WWC2: variants seen among roughly 807,000 people sequenced by gnomAD.
WWC2 encodes protein WWC2.
WWC2 carries 101 observed loss-of-function variants against 138.5 expected under a neutral mutation model. The ratio of observed to expected loss-of-function variants is 0.73; its 90% CI spans 0.62 to 0.86. The LOEUF is 0.86. Among genes scored for constraint, WWC2 ranks in the 40% least tolerant of loss-of-function variants. The pLI, the probability that WWC2 is intolerant of heterozygous loss-of-function variation, is 0.00. For synonymous variants in WWC2, 558 were observed against 538.4 expected, an observed-to-expected ratio of 1.04 and a Z score of -0.50; for missense variants, 1,420 against 1,419.4, an observed-to-expected ratio of 1.00 and a Z score of -0.01.
At chr4:183,104,567 G>T (rs534258608) in intron 1 of WWC2, among the ~76,000 whole-genome samples, 1 of 152,252 alleles carries the variant, frequency 6.6e-6, no homozygotes, top group East Asian at 1.9e-4. Context: ...TAGACTGCTG[G>T]AATTGTTCCT....
chr4:183,243,215 G>C (rs1472289940), intron 5 of WWC2, among the ~76,000 whole-genome samples: 3 of 152,070 alleles, frequency 2.0e-5, no homozygotes, highest in African/African-American at 4.8e-5. Flanking sequence ...GTTCATTTCT[G>C]AATCAAAGAT....
At chr4:183,164,062 A>AG (rs1734035785) in intron 1 of WWC2, among the ~76,000 whole-genome samples, 1 of 151,808 alleles carries the variant, frequency 6.6e-6, no homozygotes, top group African/African-American at 2.4e-5. Flanking sequence ...GAGAAAATGG[A>AG]ACTGAAATTA....
At chr4:183,128,759 T>C (rs557389017) in intron 1 of WWC2, among the ~76,000 whole-genome samples, 7 of 152,346 alleles carry the variant, frequency 4.6e-5, no homozygotes, top group African/African-American at 1.4e-4. Flanking sequence ...AATGTACCTC[T>C]GTCCTTGTCC....
intron 1 of WWC2, among the ~76,000 whole-genome samples, chr4:183,151,846 T>C (rs796904849): frequency 1.3e-5 from 2 of 152,318 alleles, no homozygotes; most frequent in African/African-American, 2.4e-5. Flanking sequence ...GATCAGATGG[T>C]TGTAGATGTG....
At chr4:183,200,550 T>G (rs1042084412) in intron 2 of WWC2, among the ~76,000 whole-genome samples, 1 of 152,216 alleles carries the variant, frequency 6.6e-6, no homozygotes, top group African/African-American at 2.4e-5. Context: ...AGCTGGATAC[T>G]CTGGCTCAAG....
intron 21 of WWC2, among the ~76,000 whole-genome samples, chr4:183,309,275 G>T (rs900119875): frequency 2.0e-5 from 3 of 152,158 alleles, no homozygotes; most frequent in African/African-American, 4.8e-5. Flanking sequence ...CTCTGTGAAA[G>T]ACACTGTCAA....
At chr4:183,238,398 C>T (rs949817030) in intron 4 of WWC2, among the ~76,000 whole-genome samples, 3 of 152,174 alleles carry the variant, frequency 2.0e-5, no homozygotes, top group East Asian at 1.9e-4. Context: ...CTGCTCAGTC[C>T]CCACAGCGTT....
chr4:183,107,033 C>G (rs911268794), intron 1 of WWC2, among the ~76,000 whole-genome samples: 4 of 152,178 alleles, frequency 2.6e-5, no homozygotes, highest in African/African-American at 9.7e-5. Context: ...ACATTCCCAC[C>G]AGCAGGGTAT....
Position 183,099,344 on chromosome 4 carries a change from T to G in WWC2, c.-148T>G, listed in dbSNP as rs1160095460. 21 of 760,740 alleles carry G rather than the reference T, an allele frequency of 2.8e-5. No homozygotes were observed. Among genetic ancestry groups the G allele is most frequent in the Non-Finnish European group, 3.4e-5 (20 of 587,826 alleles). 47.1% of individuals were successfully genotyped at this position (760,740 alleles called of 1,614,324 possible). A position where few individuals can be genotyped will look rare whatever the true frequency, so the allele number is the denominator to read the frequency against. On this transcript the variant is annotated 5_prime_UTR_variant, in exon 1 of 23. Transcript: ENST00000403733. ...CGTTTCCTGAGGCACCTCCCGCGCG[T>G]GGTTCCGCCGCGCCCCGCGCCCTGC... is the stretch of plus-strand genomic sequence containing the variant.
chr4:183,214,177 TTTGCACCGCA>T (rs1735684175), intron 4 of WWC2, among the ~76,000 whole-genome samples: 1 of 152,188 alleles, frequency 6.6e-6, no homozygotes, highest in Non-Finnish European at 1.5e-5. Flanking sequence ...GGTTAAACTA[TTTGCACCGCA>T]TTCCAAACAC....
chr4:183,301,433 G>A (rs1738836788), intron 21 of WWC2, among the ~76,000 whole-genome samples: 1 of 151,594 alleles, frequency 6.6e-6, no homozygotes, highest in South Asian at 2.1e-4. Context: ...TTCAAACCAG[G>A]GAGAGGAAAT....
chr4:183,163,903 G>A (rs1303860749), intron 1 of WWC2, among the ~76,000 whole-genome samples: 3 of 151,990 alleles, frequency 2.0e-5, no homozygotes, highest in African/African-American at 7.2e-5. Context: ...AATGGGAGTG[G>A]CTAGCTTTAA....
intron 1 of WWC2, among the ~76,000 whole-genome samples, chr4:183,118,441 T>C (rs1227544218): frequency 6.6e-6 from 1 of 152,232 alleles, no homozygotes; most frequent in Non-Finnish European, 1.5e-5. Context: ...ATTGTGTATC[T>C]GATTCTATGT....
At chr4:183,271,969 G>A (rs1259008103) in intron 16 of WWC2, among the ~76,000 whole-genome samples, 2 of 152,230 alleles carry the variant, frequency 1.3e-5, no homozygotes, top group East Asian at 3.9e-4. Context: ...TCATGCCACT[G>A]CACTCCAGCC....
chr4:183,244,007 A>AT (rs1263078415), intron 5 of WWC2, among the ~76,000 whole-genome samples: 18 of 151,912 alleles, frequency 1.2e-4, no homozygotes, highest in Middle Eastern at 3.4e-3. Flanking sequence ...GCATTGCTTT[A>AT]TTTTTTTTCA....
At chr4:183,292,735 G>GACACT (rs1449079242) in intron 21 of WWC2, among the ~76,000 whole-genome samples, 2 of 151,940 alleles carry the variant, frequency 1.3e-5, no homozygotes, top group African/African-American at 2.4e-5. Context: ...AACTCTTCCG[G>GACACT]ACACTAGAAA....
chr4:183,299,552 C>G (rs1580163895), intron 21 of WWC2, among the ~76,000 whole-genome samples: 1 of 152,122 alleles, frequency 6.6e-6, no homozygotes, highest in African/African-American at 2.4e-5. Context: ...GTGAAATTTG[C>G]AAAAACCAGT....
At chr4:183,134,320 TA>T (rs1362190224) in intron 1 of WWC2, among the ~76,000 whole-genome samples, 1 of 150,210 alleles carries the variant, frequency 6.7e-6, no homozygotes, top group Non-Finnish European at 1.5e-5. Flanking sequence ...TTGATTTTAC[TA>T]TTTTTTTTTT....
At chr4:183,308,819 C>G (rs1424118381) in intron 21 of WWC2, among the ~76,000 whole-genome samples, 1 of 152,044 alleles carries the variant, frequency 6.6e-6, no homozygotes, top group East Asian at 1.9e-4. Flanking sequence ...GGAATAATGA[C>G]AAGGAAAAAC....
Sources: allele counts gnomAD v4.1 joint callset (sites outside exome capture counted in the v4.1 genomes callset), GRCh38; gene constraint gnomAD v4.1.1; transcripts MANE v1.5; gene names NCBI Gene and HGNC (gene_info 2026-07-23, HGNC 2026-07-21).